The following TRPM1 variants were observed in gnomAD, a reference collection of about 807,000 sequenced individuals.
The protein encoded by TRPM1 is TRPM1-203 APA Isoform, Intron 10.
In TRPM1, 113 loss-of-function variants were observed where a neutral mutation model predicts 149.4. That is an observed-to-expected ratio of 0.76 (90% CI 0.65 to 0.88). The LOEUF (loss-of-function observed/expected upper bound fraction) is 0.88, where lower values mean the gene tolerates loss of function less well. TRPM1 is among the 40% of genes least tolerant of loss of function. TRPM1 has a pLI of 0.00. For missense variants in TRPM1, 1,976 were observed against 2,038.7 expected, an observed-to-expected ratio of 0.97 and a Z score of 0.59; for synonymous variants, 741 against 759.5, an observed-to-expected ratio of 0.98 and a Z score of 0.40.
chr15:31,093,772 T>G (rs1445266784), intron 1 of TRPM1, among the ~76,000 whole-genome samples: 1 of 152,068 alleles, frequency 6.6e-6, no homozygotes, highest in Non-Finnish European at 1.5e-5. Context: ...TGGCTAATTT[T>G]TTTTATTTTT....
intron 1 of TRPM1, among the ~76,000 whole-genome samples, chr15:31,113,074 G>T (rs899569302): frequency 6.6e-6 from 1 of 152,176 alleles, no homozygotes; most frequent in African/African-American, 2.4e-5. Context: ...GCAGGTTCCT[G>T]ACAGTAGAAC....
chr15:31,025,002 C>T (rs1478745991), intron 27 of TRPM1, among the ~76,000 whole-genome samples: 1 of 152,184 alleles, frequency 6.6e-6, no homozygotes, highest in Admixed American at 6.5e-5. Flanking sequence ...ATCTCCCCTC[C>T]TGTGGGCTGG....
chr15:31,051,043 C>G (rs574908860), intron 11 of TRPM1, among the ~76,000 whole-genome samples: 1 of 152,214 alleles, frequency 6.6e-6, no homozygotes, highest in African/African-American at 2.4e-5. Context: ...ATGGATAGAA[C>G]TGAGGATGCC....
intron 11 of TRPM1, among the ~76,000 whole-genome samples, chr15:31,057,598 T>C (rs2034118256): frequency 6.6e-6 from 1 of 152,202 alleles, no homozygotes; most frequent in African/African-American, 2.4e-5. Context: ...AATGGCATTT[T>C]TAAGGTAATA....
At chr15:31,111,433 T>G (rs1181067086) in intron 1 of TRPM1, among the ~76,000 whole-genome samples, 2 of 152,226 alleles carry the variant, frequency 1.3e-5, no homozygotes, top group Non-Finnish European at 2.9e-5. Context: ...TCCCAAAATG[T>G]GGGTCCAATT....
chr15:31,068,173 T>C (rs903368646), intron 4 of TRPM1, 81 bp from the exon 5 acceptor site: 121 of 1,289,474 alleles, frequency 9.4e-5, no homozygotes, highest in Non-Finnish European at 1.3e-4. Context: ...ATTGCTCATG[T>C]CCAAGCAAGA....
chr15:31,048,645 C>T (rs2033851488), intron 13 of TRPM1, among the ~76,000 whole-genome samples: 1 of 152,042 alleles, frequency 6.6e-6, no homozygotes, highest in South Asian at 2.1e-4. Context: ...AACCCTGTCT[C>T]TACAAAATTT....
At chr15:31,015,961 T>C (rs2032342988) in intron 27 of TRPM1, among the ~76,000 whole-genome samples, 1 of 152,042 alleles carries the variant, frequency 6.6e-6, no homozygotes, top group Admixed American at 6.6e-5. Context: ...AATAAAATAA[T>C]CTTAGAACTT....
At chr15:31,056,775 C>G (rs936528854) in intron 11 of TRPM1, among the ~76,000 whole-genome samples, 1 of 152,190 alleles carries the variant, frequency 6.6e-6, no homozygotes, top group African/African-American at 2.4e-5. Flanking sequence ...CTCTCTTACC[C>G]TTTCACCTCC....
intron 27 of TRPM1, among the ~76,000 whole-genome samples, chr15:31,023,111 C>T (rs1369529100): frequency 6.6e-6 from 1 of 152,240 alleles, no homozygotes; most frequent in East Asian, 1.9e-4. Flanking sequence ...CAAACCCAGA[C>T]ATGGCCCTGC....
chr15:31,110,691 G>A (rs2035672087), intron 1 of TRPM1, among the ~76,000 whole-genome samples: 1 of 152,128 alleles, frequency 6.6e-6, no homozygotes, highest in Non-Finnish European at 1.5e-5. Flanking sequence ...GAGACCTCCT[G>A]AGGCCCCTCT....
At chr15:31,113,009 T>TA in intron 1 of TRPM1, among the ~76,000 whole-genome samples, 1 of 152,320 alleles carries the variant, frequency 6.6e-6, no homozygotes, top group African/African-American at 2.4e-5. Context: ...GAGGTGCCGG[T>TA]AAGTGTTCCG....
chr15:31,093,358 G>A (rs972767610), intron 1 of TRPM1, among the ~76,000 whole-genome samples: 2 of 151,458 alleles, frequency 1.3e-5, no homozygotes, highest in African/African-American at 2.4e-5. Context: ...AGAAGTGGAG[G>A]GTGAAAGATC....
At chr15:31,158,393 C>T (rs943828614) in intron 1 of TRPM1, among the ~76,000 whole-genome samples, 11 of 151,850 alleles carry the variant, frequency 7.2e-5, no homozygotes, top group South Asian at 6.3e-4. Context: ...TTTAGGAGGC[C>T]GGAGCGGGCA....
intron 5 of TRPM1, 75 bp from the exon 6 acceptor site, chr15:31,067,262 C>A (rs1048653279): frequency 1.2e-6 from 2 of 1,609,852 alleles, no homozygotes; most frequent in African/African-American, 2.7e-5. Flanking sequence ...TTTAGGGACA[C>A]TTGCCCTGAG....
At chr15:31,070,631 C>T (rs573183068) in intron 3 of TRPM1, 1 of 377,196 alleles carries the variant, frequency 2.7e-6, no homozygotes, top group Admixed American at 3.5e-5. Context: ...TAGCTCACTG[C>T]AGCCCAGACC....
intron 1 of TRPM1, among the ~76,000 whole-genome samples, chr15:31,083,438 G>A (rs1293027002): frequency 3.3e-5 from 5 of 152,176 alleles, no homozygotes; most frequent in African/African-American, 1.2e-4. Context: ...TCCTGGCACA[G>A]CTGCAGGTGG....
rs550986232 is a variant in TRPM1, at chr15:31,026,774, C to G, written c.3496+141G>C. ...AATAAAATGGGTACAAAATGAGAAGCCTTTTGAAAAGAACAGCAGTTGGAC... is the reference window on the plus strand; with the variant it reads ...AATAAAATGGGTACAAAATGAGAAGGCTTTTGAAAAGAACAGCAGTTGGAC... On this transcript the variant is annotated intron_variant, in intron 26 of 27. Transcript: ENST00000256552. The G allele has an allele frequency of 4.7e-6, 4 of 851,030 alleles. No individual in the cohort carries two copies. The Admixed American group carries it at 7.2e-5, about 15-fold the overall frequency. 52.7% of individuals were successfully genotyped at this position (851,030 alleles called of 1,614,324 possible). A position where few individuals can be genotyped will look rare whatever the true frequency, so the allele number is the denominator to read the frequency against.
intron 27 of TRPM1, among the ~76,000 whole-genome samples, chr15:31,021,869 T>C (rs2032562849): frequency 6.6e-6 from 1 of 152,142 alleles, no homozygotes. Context: ...TTAAAATGTA[T>C]AATTTATGAG....
Sources: allele counts gnomAD v4.1 joint callset (sites outside exome capture counted in the v4.1 genomes callset), GRCh38; gene constraint gnomAD v4.1.1; transcripts MANE v1.5; gene names NCBI Gene and HGNC (gene_info 2026-07-23, HGNC 2026-07-21).